ZFAND3: variants seen among roughly 807,000 people sequenced by gnomAD.
The protein encoded by ZFAND3 is AN1-type zinc finger protein 3.
Under a neutral mutation model 29.6 loss-of-function variants are expected in ZFAND3, and 10 were observed. The observed-to-expected ratio is 0.34, with a 90% CI of 0.21 to 0.57. ZFAND3 has a LOEUF of 0.57. Among genes scored for constraint, ZFAND3 ranks in the 20% least tolerant of loss-of-function variants. The pLI is 0.86. For missense variants in ZFAND3, 230 were observed against 304.5 expected (o/e 0.76, Z 1.82); for synonymous variants, 128 against 112.6 (o/e 1.14, Z -0.87).
At chr6:37,962,908 C>T (rs1762223701) in intron 2 of ZFAND3, among the ~76,000 whole-genome samples, 1 of 152,190 alleles carries the variant, frequency 6.6e-6, no homozygotes, top group Non-Finnish European at 1.5e-5. Flanking sequence ...CTCCTGAAGT[C>T]AGCGAGACCA....
chr6:37,867,358 T>G (rs1184199001), intron 1 of ZFAND3, among the ~76,000 whole-genome samples: 1 of 152,214 alleles, frequency 6.6e-6, no homozygotes, highest in South Asian at 2.1e-4. Context: ...AGTGGCCATG[T>G]CACTCTGGTT....
chr6:37,994,118 C>CTGTGTGTGTGTGTG (rs10535939), intron 2 of ZFAND3, among the ~76,000 whole-genome samples: 3 of 150,578 alleles, frequency 2.0e-5, no homozygotes, highest in Non-Finnish European at 4.4e-5. Flanking sequence ...GAGTGTGTGT[C>CTGTGTGTGTGTGTG]TGTGTGTGTG....
chr6:37,876,006 A>G (rs1207509499), intron 1 of ZFAND3, among the ~76,000 whole-genome samples: 1 of 152,148 alleles, frequency 6.6e-6, no homozygotes, highest in Non-Finnish European at 1.5e-5. Flanking sequence ...CTTAGGAGAT[A>G]TATTTACCCT....
At chr6:38,144,183 T>TATATATATAA (rs1316694091) in intron 5 of ZFAND3, among the ~76,000 whole-genome samples, 2 of 22,150 alleles carry the variant, frequency 9.0e-5, no homozygotes, top group African/African-American at 2.3e-4. Context: ...TATATATATA[T>TATATATATAA]AATATATATA....
intron 2 of ZFAND3, among the ~76,000 whole-genome samples, chr6:38,015,139 T>A (rs555116915): frequency 3.3e-5 from 5 of 152,308 alleles, no homozygotes; most frequent in Middle Eastern, 3.4e-3. Context: ...TTTAGGGAAA[T>A]CTTTTATATT....
At chr6:37,942,269 A>AT (rs1213672365) in intron 2 of ZFAND3, among the ~76,000 whole-genome samples, 2 of 139,040 alleles carry the variant, frequency 1.4e-5, no homozygotes, top group East Asian at 1.9e-4. Context: ...TCATATATAT[A>AT]TATTTTTTTT....
In ZFAND3 at chr6:38,152,555, T is replaced by C; in HGVS notation, c.*166T>C. 2 of 1,282,706 alleles carry C rather than the reference T, an allele frequency of 1.6e-6. No individual in the cohort carries two copies. The highest frequency in any genetic ancestry group is 2.0e-6 in the Non-Finnish European group (2 of 1,015,304). The allele number at this position is 1,282,706 out of a possible 1,614,324, so 79.5% of individuals were successfully genotyped here. On this transcript the variant is annotated 3_prime_UTR_variant, in exon 6 of 6. Coordinates refer to ENST00000287218, the MANE Select transcript of ZFAND3 (RefSeq NM_021943.3). ...GGTACTGTAGTTTAGGGGTTGATGG[T>C]GGTTGAAATTGATTTCTGGCTGGTT...
intron 2 of ZFAND3, among the ~76,000 whole-genome samples, chr6:37,992,470 T>C (rs962453422): frequency 1.3e-5 from 2 of 152,202 alleles, no homozygotes; most frequent in African/African-American, 4.8e-5. Flanking sequence ...TCACTGAGAC[T>C]GAGCAGTTAC....
intron 2 of ZFAND3, among the ~76,000 whole-genome samples, chr6:37,997,908 C>G (rs768034816): frequency 2.6e-5 from 4 of 152,108 alleles, no homozygotes; most frequent in Non-Finnish European, 4.4e-5. Context: ...TTGGTGACTT[C>G]AGTGGATAGG....
At chr6:38,000,987 G>C (rs1192961561) in intron 2 of ZFAND3, among the ~76,000 whole-genome samples, 1 of 152,078 alleles carries the variant, frequency 6.6e-6, no homozygotes, top group Non-Finnish European at 1.5e-5. Flanking sequence ...GAAAATTATA[G>C]GCACTGGACC....
intron 5 of ZFAND3, chr6:38,142,155 T>TCTCTCCCC: frequency 2.1e-6 from 1 of 469,958 alleles, no homozygotes; most frequent in African/African-American, 2.0e-5. Context: ...AAGTTACAGG[T>TCTCTCCCC]CTCTCCCTAC....
At chr6:38,056,243 T>C (rs1368052698) in intron 2 of ZFAND3, among the ~76,000 whole-genome samples, 2 of 152,170 alleles carry the variant, frequency 1.3e-5, no homozygotes, top group Admixed American at 1.3e-4. Context: ...CACGTACTCA[T>C]TAGTGATCAC....
intron 2 of ZFAND3, among the ~76,000 whole-genome samples, chr6:37,933,883 ATT>A (rs58837762): frequency 1.7e-3 from 193 of 116,484 alleles, no homozygotes; most frequent in African/African-American, 4.1e-3. Flanking sequence ...TCTCTCTCTC[ATT>A]TTTTTTTTTT....
chr6:37,961,496 C>T (rs1762194668), intron 2 of ZFAND3, among the ~76,000 whole-genome samples: 1 of 152,194 alleles, frequency 6.6e-6, no homozygotes, highest in African/African-American at 2.4e-5. Context: ...AGCCCTAGGA[C>T]ACTGAGCGAA....
At chr6:38,145,897 G>A (rs1016290590) in intron 5 of ZFAND3, among the ~76,000 whole-genome samples, 7 of 152,172 alleles carry the variant, frequency 4.6e-5, no homozygotes, top group East Asian at 1.9e-4. Context: ...TCTCTATTCC[G>A]GGTGAGTGAG....
At chr6:37,859,044 A>C (rs1215725572) in intron 1 of ZFAND3, among the ~76,000 whole-genome samples, 1 of 152,242 alleles carries the variant, frequency 6.6e-6, no homozygotes, top group Admixed American at 6.5e-5. Flanking sequence ...CGTATGTTTT[A>C]GCCCTGGCTT....
At position 38,116,582 on chromosome 6, in the gene ZFAND3, T is replaced by C. The variant is rs777619972; in HGVS notation, c.372T>C (p.Ser124=). The C allele has an allele frequency of 6.2e-7, 1 of 1,611,580 alleles. No homozygotes were observed. The highest frequency in any genetic ancestry group is 8.5e-7 in the Non-Finnish European group (1 of 1,177,904). ...TKRSCGTDSQ[S]ENEASPVKRP... is the part of the protein sequence containing the mutation. The stretch of plus-strand genomic sequence containing the variant: ...TGTTGTTTTGGTCAGATTCACAGTC[T>C]GAGAATGAGGCTTCACCAGTAAAAC... Residue 124 remains serine (S), a synonymous_variant, in exon 5 of 6, where the codon TCT becomes TCC. Transcript: ENST00000287218.
chr6:38,045,053 C>A (rs1178892120), intron 2 of ZFAND3, among the ~76,000 whole-genome samples: 2 of 114,570 alleles, frequency 1.7e-5, no homozygotes, highest in East Asian at 2.4e-4. Flanking sequence ...TGTGGAAATT[C>A]TTTTATTTAT....
chr6:37,828,885 C>T (rs907142168), intron 1 of ZFAND3, among the ~76,000 whole-genome samples: 4 of 152,092 alleles, frequency 2.6e-5, no homozygotes, highest in Non-Finnish European at 5.9e-5. Flanking sequence ...CTCCTTACCT[C>T]GTGATCCGCC....
Sources: allele counts gnomAD v4.1 joint callset (sites outside exome capture counted in the v4.1 genomes callset), GRCh38; gene constraint gnomAD v4.1.1; transcripts MANE v1.5; gene names NCBI Gene and HGNC (gene_info 2026-07-23, HGNC 2026-07-21).